Variants in SCYL2 observed in about 807,000 individuals in gnomAD.
The protein encoded by SCYL2 is SCY1 like pseudokinase 2.
In SCYL2, 36 loss-of-function variants were observed where a neutral mutation model predicts 100.4. That is an observed-to-expected ratio of 0.36 (90% CI 0.27 to 0.47). The LOEUF is 0.47. Ranked by LOEUF, SCYL2 falls within the 20% of genes least tolerant of loss-of-function variation. The pLI, the probability that SCYL2 is intolerant of heterozygous loss-of-function variation, is 1.00. For missense variants in SCYL2, 902 were observed against 1,083.9 expected, an observed-to-expected ratio of 0.83 and a Z score of 2.36; for synonymous variants, 330 against 359.2, an observed-to-expected ratio of 0.92 and a Z score of 0.92.
rs1271361715 is a variant in SCYL2, at chr12:100,317,914, A to C, written c.1384A>C (p.Ile462Leu). The part of the protein sequence containing the change: ...MVYRALEAPS[I>L]QIQELCLNII... ...TTACAGAGCACTAGAAGCTCCTTCC[A>C]TTCAGATCCAGGTACAGTATCTGAT... The change falls in exon 10 of 18, where the codon ATT (isoleucine) becomes CTT (leucine). Residue 462 changes from isoleucine to leucine, a missense_variant. Transcript: ENST00000360820. The C allele has an allele frequency of 6.3e-7, 1 of 1,575,846 alleles. No homozygotes were observed. The highest frequency in any genetic ancestry group is 8.6e-7 in the Non-Finnish European group (1 of 1,169,270).
rs1695106350 is a variant in SCYL2, at chr12:100,267,188, C to A, written c.-633C>A. On this transcript the variant is annotated 5_prime_UTR_variant, in exon 1 of 18. Coordinates refer to ENST00000360820, the MANE Select transcript of SCYL2 (RefSeq NM_017988.6). Reference sequence around the variant, plus strand: ...CCGGCAGGTCTTTTAGTCTTTTTCCCCCTCCCTTACTCTTCGTCCCCGGTC... The same window carrying A: ...CCGGCAGGTCTTTTAGTCTTTTTCCACCTCCCTTACTCTTCGTCCCCGGTC... The A allele has an allele frequency of 1.7e-6, 2 of 1,180,696 alleles. No individual in the cohort carries two copies. The highest frequency in any genetic ancestry group is 2.3e-5 in the Admixed American group (1 of 43,980). The allele number at this position is 1,180,696 out of a possible 1,614,324, so 73.1% of individuals were successfully genotyped here.
intron 4 of SCYL2, among the ~76,000 whole-genome samples, chr12:100,304,829 A>C (rs56290715): frequency 0.13 from 18,389 of 140,594 alleles, 1,486 homozygotes; most frequent in Non-Finnish European, 0.19. Context: ...AATGGAAAGC[A>C]AAAAAAAAAG....
At chr12:100,295,000 C>A (rs1210484883) in intron 3 of SCYL2, among the ~76,000 whole-genome samples, 1 of 150,332 alleles carries the variant, frequency 6.7e-6, no homozygotes, top group Non-Finnish European at 1.5e-5. Flanking sequence ...CGGGCAGAGA[C>A]GCTCCTCACC....
intron 8 of SCYL2, among the ~76,000 whole-genome samples, chr12:100,314,953 A>G (rs1369908107): frequency 6.6e-6 from 1 of 151,992 alleles, no homozygotes; most frequent in African/African-American, 2.4e-5. Context: ...CAATTCCTTT[A>G]CTCCTTTTCT....
intron 1 of SCYL2, 131 bp from the exon 2 acceptor site, chr12:100,282,812 T>G (rs2096300338): frequency 2.4e-6 from 1 of 416,464 alleles, no homozygotes; most frequent in East Asian, 3.7e-5. Flanking sequence ...AAAACCAACA[T>G]ACAACTTTCA....
chr12:100,302,064 G>T (rs1408130164), intron 4 of SCYL2, among the ~76,000 whole-genome samples: 1 of 152,184 alleles, frequency 6.6e-6, no homozygotes, highest in African/African-American at 2.4e-5. Context: ...ATGAGCTAGG[G>T]TCTAGATTGG....
chr12:100,319,428 T>C (rs1265720404), intron 10 of SCYL2: 4 of 311,356 alleles, frequency 1.3e-5, no homozygotes, highest in African/African-American at 4.4e-5. Context: ...TTAAGTGACA[T>C]GAAATCCATT....
intron 10 of SCYL2, among the ~76,000 whole-genome samples, chr12:100,322,330 G>A (rs1300425272): frequency 3.9e-5 from 5 of 128,192 alleles, no homozygotes; most frequent in South Asian, 2.4e-4. Flanking sequence ...CCGAGATCGC[G>A]CCACTGCACT....
intron 3 of SCYL2, among the ~76,000 whole-genome samples, chr12:100,294,294 C>T (rs1301878273): frequency 2.8e-4 from 38 of 135,090 alleles, no homozygotes; most frequent in African/African-American, 6.9e-4. Flanking sequence ...GGCGGCTGGC[C>T]GGGCAGAGGG....
At chr12:100,310,894 A>T in intron 4 of SCYL2, 150 bp from the exon 5 acceptor site, 1 of 655,710 alleles carries the variant, frequency 1.5e-6, no homozygotes, top group Non-Finnish European at 2.4e-6. Flanking sequence ...ACATCTGTGT[A>T]TACTTTGGTA....
intron 4 of SCYL2, among the ~76,000 whole-genome samples, chr12:100,303,800 C>T (rs867749152): frequency 7.2e-5 from 11 of 152,046 alleles, no homozygotes; most frequent in South Asian, 4.1e-4. Flanking sequence ...CTGGGAGATC[C>T]GCTGCTCTCT....
chr12:100,334,266 A>G lies in SCYL2; in HGVS notation c.1862A>G (p.Lys621Arg), dbSNP rs1412152719. Residue 621 changes from lysine (K) to arginine (R), a missense_variant and splice_region_variant, in exon 14 of 18, where the codon AAA (lysine) becomes AGA (arginine). Physicochemically the swap from Lys to Arg is conservative, Grantham distance 26. Transcript: ENST00000360820. ...EQLHIMQEQQ[K>R]SLDIGNQMNV... ...CTTCATATAATGCAAGAACAGCAGA[A>G]GTAAGTAGGTTGCACATGAATTATA... is the stretch of plus-strand genomic sequence containing the variant. 1.3e-6 allele frequency: 2 copies of G among 1,531,592 alleles called. No homozygotes were observed. The highest frequency in any genetic ancestry group is 4.5e-5 in the East Asian group (2 of 44,334). The allele number at this position is 1,531,592 out of a possible 1,614,324, so 94.9% of individuals were successfully genotyped here.
At position 100,340,417 on chromosome 12, in the gene SCYL2, A is replaced by T. The variant is rs1055317483; in HGVS notation, c.*1245A>T. ...ATGCTATAAATGTCATTTGTATTTT[A>T]AAAAATAATATTCCACTCATAAAAC... On this transcript the variant is annotated 3_prime_UTR_variant, in exon 18 of 18. Transcript: ENST00000360820. The T allele has an allele frequency of 1.3e-5, 2 of 152,114 alleles. No homozygotes were observed. The highest frequency in any genetic ancestry group is 2.9e-5 in the Non-Finnish European group (2 of 67,964). The allele number at this position is 152,114 out of a possible 1,614,324, so 9.4% of individuals were successfully genotyped here. A position where few individuals can be genotyped will look rare whatever the true frequency, so the allele number is the denominator to read the frequency against.
At chr12:100,325,379 T>C (rs1197107674) in intron 11 of SCYL2, among the ~76,000 whole-genome samples, 1 of 152,238 alleles carries the variant, frequency 6.6e-6, no homozygotes, top group Non-Finnish European at 1.5e-5. Flanking sequence ...GCATGTTGTT[T>C]ACAAGAAGTT....
rs2096347873 is a variant in SCYL2 at position 100,315,719 on chromosome 12, G to C, written c.1257G>C (p.Gln419His). The change falls in exon 9 of 18, where the codon CAG becomes CAC. Residue 419 changes from glutamine (Q) to histidine (H), a missense_variant. Physicochemically the swap from Gln to His is conservative, Grantham distance 24. Coordinates refer to ENST00000360820, the MANE Select transcript of SCYL2 (RefSeq NM_017988.6). ...CTGAACTTGGCCCTGTGTTTAAGCA[G>C]CAGGAGCCAATCCAGGTATGTTATA... ...ILPELGPVFKQQEPIQILLIF... is the reference protein window; with the variant it reads ...ILPELGPVFKHQEPIQILLIF... The C allele has an allele frequency of 1.2e-6, 2 of 1,605,450 alleles. No individual in the cohort carries two copies.
intron 4 of SCYL2, among the ~76,000 whole-genome samples, chr12:100,309,217 CT>C (rs1188811048): frequency 1.3e-5 from 2 of 152,030 alleles, no homozygotes; most frequent in Non-Finnish European, 2.9e-5. Context: ...ATTTGGCCAT[CT>C]TACTCTGCCC....
At chr12:100,291,434 T>C in intron 2 of SCYL2, 69 bp from the exon 3 acceptor site, 1 of 1,044,400 alleles carries the variant, frequency 9.6e-7, no homozygotes. Flanking sequence ...ATTTGTAGAT[T>C]GTGACATTCA....
At chr12:100,300,984 G>A (rs1199190880) in intron 4 of SCYL2, among the ~76,000 whole-genome samples, 3 of 152,162 alleles carry the variant, frequency 2.0e-5, no homozygotes, top group East Asian at 1.9e-4. Context: ...TTTGCTATAC[G>A]GATTTCCTTT....
At chr12:100,300,918 C>CT (rs2135875078) in intron 4 of SCYL2, among the ~76,000 whole-genome samples, 1 of 152,280 alleles carries the variant, frequency 6.6e-6, no homozygotes, top group African/African-American at 2.4e-5. Flanking sequence ...TAGTTTGCCT[C>CT]TAAATCTTGG....
Sources: gnomAD v4.1 joint callset for allele counts (sites outside exome capture counted in the v4.1 genomes callset) on GRCh38, gnomAD v4.1.1 for gene constraint, MANE v1.5 for transcripts, NCBI Gene and HGNC (gene_info 2026-07-23, HGNC 2026-07-21) for gene names.